PGR: variants seen among roughly 807,000 people sequenced by gnomAD.
PGR encodes the protein progesterone receptor.
A neutral mutation model predicts 76.1 loss-of-function variants in PGR; 25 were observed. The observed-to-expected ratio is 0.33, with a 90% CI of 0.24 to 0.46. The LOEUF (loss-of-function observed/expected upper bound fraction) is 0.46, where lower values mean the gene tolerates loss of function less well. Among genes scored for constraint, PGR ranks in the 20% least tolerant of loss-of-function variants. The probability of loss-of-function intolerance (pLI) is 1.00; values close to 1 mark genes in which losing one functional copy is unlikely to be tolerated. For missense variants in PGR, 1,172 were observed against 1,225.3 expected (o/e 0.96, Z 0.65); for synonymous variants, 579 against 535.0 (o/e 1.08, Z -1.14).
intron 3 of PGR, among the ~76,000 whole-genome samples, chr11:101,082,125 ACTCTCTCT>A (rs3067562): frequency 2.1e-5 from 3 of 145,570 alleles, no homozygotes; most frequent in Non-Finnish European, 1.5e-5. Context: ...TTCCCCTCTC[ACTCTCTCT>A]CTCTCTCTCT....
At chr11:101,047,109 C>T (rs1859915600) in intron 6 of PGR, among the ~76,000 whole-genome samples, 1 of 152,104 alleles carries the variant, frequency 6.6e-6, no homozygotes, top group Admixed American at 6.6e-5. Flanking sequence ...AAATCTTACT[C>T]TCTATGGTAT....
chr11:101,107,934 A>G (rs1862224796), intron 2 of PGR, among the ~76,000 whole-genome samples: 1 of 149,310 alleles, frequency 6.7e-6, no homozygotes. Flanking sequence ...CCTAAATGTT[A>G]TTTAAGTCTA....
intron 2 of PGR, among the ~76,000 whole-genome samples, chr11:101,121,011 A>G (rs565361056): frequency 6.6e-6 from 1 of 152,248 alleles, no homozygotes; most frequent in East Asian, 1.9e-4. Context: ...CTTTTTAACC[A>G]TTTCTTTTTC....
At chr11:101,072,109 T>C (rs903457716) in intron 3 of PGR, among the ~76,000 whole-genome samples, 4 of 152,160 alleles carry the variant, frequency 2.6e-5, no homozygotes, top group African/African-American at 7.2e-5. Flanking sequence ...GGGAAGCCCA[T>C]CAGACTAACA....
intron 2 of PGR, among the ~76,000 whole-genome samples, chr11:101,100,563 TTTG>T (rs1331980213): frequency 1.3e-5 from 2 of 151,928 alleles, no homozygotes; most frequent in African/African-American, 4.8e-5. Flanking sequence ...CAAAGCAGGT[TTTG>T]TTGTTAGAGG....
At chr11:101,064,284 T>C (rs1262502675) in intron 3 of PGR, among the ~76,000 whole-genome samples, 1 of 118,514 alleles carries the variant, frequency 8.4e-6, no homozygotes, top group Non-Finnish European at 1.6e-5. Context: ...TGAGTCAAGA[T>C]CATGCCATTG....
intron 4 of PGR, among the ~76,000 whole-genome samples, chr11:101,052,475 C>A (rs11571231): frequency 0.028 from 4,301 of 152,112 alleles, 194 homozygotes; most frequent in African/African-American, 0.099. Context: ...GGGAAGATCA[C>A]CAGTTCAACA....
At chr11:101,057,540 A>G (rs1363066226) in intron 4 of PGR, among the ~76,000 whole-genome samples, 1 of 152,194 alleles carries the variant, frequency 6.6e-6, no homozygotes, top group African/African-American at 2.4e-5. Context: ...TGGGGGTAGA[A>G]TAGAGGATCA....
rs185752530 is a variant in PGR at position 101,045,101 on chromosome 11, T to C, written c.2489-2999A>G. ...TTATCCCCTGCACCCCAATCAAAACTTGGTTTCCATTTCCCCTAGAAAAGA... is the reference window on the plus strand; with the variant it reads ...TTATCCCCTGCACCCCAATCAAAACCTGGTTTCCATTTCCCCTAGAAAAGA... On this transcript the variant is annotated intron_variant, in intron 6 of 7. Transcript: ENST00000325455. 2.1e-4 allele frequency among the ~76,000 whole-genome samples: 32 copies of C among 152,200 alleles called. 1 individual carries two copies. In the East Asian group the frequency reaches 6.2e-3, roughly 29 times the overall value.
chr11:101,102,741 C>G (rs540805948), intron 2 of PGR, among the ~76,000 whole-genome samples: 1 of 151,726 alleles, frequency 6.6e-6, no homozygotes, highest in African/African-American at 2.4e-5. Flanking sequence ...TTTCATGTAA[C>G]CTTGTAACAA....
intron 7 of PGR, among the ~76,000 whole-genome samples, chr11:101,040,507 T>C (rs990664553): frequency 1.3e-5 from 2 of 152,080 alleles, no homozygotes; most frequent in African/African-American, 4.8e-5. Context: ...TTGTACTTGT[T>C]TGATGGTTTG....
chr11:101,129,007 C>CG lies in PGR; in HGVS notation c.63dup (p.Glu22ArgfsTer26), dbSNP rs985875054. ...CGACACAGCAGTGGGGATCCGACCT[C>CG]GGGGGAGGGCGGGCCGCCCGCCACG... On this transcript the variant is annotated frameshift_variant, in exon 1 of 8. Coordinates refer to ENST00000325455, the MANE Select transcript of PGR (RefSeq NM_000926.4). LOFTEE classifies it high-confidence loss of function. 3 of 1,570,522 alleles carry CG rather than the reference C, an allele frequency of 1.9e-6. No individual in the cohort carries two copies. The highest frequency in any genetic ancestry group is 2.6e-6 in the Non-Finnish European group (3 of 1,158,964).
At chr11:101,071,145 C>T (rs1181843779) in intron 3 of PGR, among the ~76,000 whole-genome samples, 1 of 152,192 alleles carries the variant, frequency 6.6e-6, no homozygotes, top group Non-Finnish European at 1.5e-5. Flanking sequence ...GCAATCTTTG[C>T]TGTACTGCAG....
chr11:101,034,005 T>C lies in PGR; in HGVS notation c.*5111A>G, dbSNP rs1369143380. 1 of 230,272 alleles carries C rather than the reference T, an allele frequency of 4.3e-6. No homozygotes were observed. Among genetic ancestry groups the C allele is most frequent in the African/African-American group, 2.2e-5 (1 of 45,204 alleles). The allele number at this position is 230,272 out of a possible 1,614,324, so 14.3% of individuals were successfully genotyped here. Reference sequence around the variant, plus strand: ...ATTTTATTCATATCTATCCGAATATTGACCAGGACACTAATGCCACACTGC... The same window carrying C: ...ATTTTATTCATATCTATCCGAATATCGACCAGGACACTAATGCCACACTGC... On this transcript the variant is annotated 3_prime_UTR_variant, in exon 8 of 8. Transcript: ENST00000325455.
At chr11:101,045,996 T>C (rs950871100) in intron 6 of PGR, among the ~76,000 whole-genome samples, 1 of 152,092 alleles carries the variant, frequency 6.6e-6, no homozygotes, top group African/African-American at 2.4e-5. Flanking sequence ...ACAGCTCTCT[T>C]TAAGGTTACC....
At chr11:101,077,362 A>G (rs969032203) in intron 3 of PGR, among the ~76,000 whole-genome samples, 2 of 152,160 alleles carry the variant, frequency 1.3e-5, no homozygotes, top group Non-Finnish European at 2.9e-5. Context: ...TTCACCTCCA[A>G]TTTCCAGATC....
intron 7 of PGR, among the ~76,000 whole-genome samples, chr11:101,039,793 T>G (rs1859638351): frequency 6.6e-6 from 1 of 152,018 alleles, no homozygotes. Flanking sequence ...AGCAGCAGCA[T>G]CAATAGAGCC....
In PGR at chr11:101,034,122, G is replaced by A. The variant is rs1235065623; in HGVS notation, c.*4994C>T. On this transcript the variant is annotated 3_prime_UTR_variant, in exon 8 of 8. Transcript: ENST00000325455. ...CACATTTCTCTAAAAATGCTTTATC[G>A]GTTAAAGCTTTCAACCAGCTTAAAA... 2 of 229,938 alleles carry A rather than the reference G, an allele frequency of 8.7e-6. No individual in the cohort carries two copies. Among genetic ancestry groups the A allele is most frequent in the African/African-American group, 2.2e-5 (1 of 45,136 alleles). 14.2% of individuals were successfully genotyped at this position (229,938 alleles called of 1,614,324 possible). A position where few individuals can be genotyped will look rare whatever the true frequency, so the allele number is the denominator to read the frequency against.
Position 101,091,762 on chromosome 11 carries a change from C to T in PGR, c.1904G>A (p.Gly635Glu), listed in dbSNP as rs1274221616. The change falls in exon 3 of 8, where the codon GGA becomes GAA. Residue 635 changes from glycine (G) to glutamate (E), a missense_variant and splice_region_variant. Gly to Glu is a moderately conservative substitution (Grantham distance 98). Around this residue, in one of 4 missense-constraint regions of PGR, gnomAD observed 73 missense variants for 60.7 expected, o/e 1.20. Transcript: ENST00000325455. ...ATTGATGAAAACATCAGAATTACCT[C>T]CAAGGACCATGCCAGCCTGACAGCA... ...RKCCQAGMVL[G>E]GRKFKKFNKV... 1 of 1,504,022 alleles carries T rather than the reference C, an allele frequency of 6.6e-7. No individual in the cohort carries two copies. The highest frequency in any genetic ancestry group is 9.3e-7 in the Non-Finnish European group (1 of 1,079,686). 93.2% of individuals were successfully genotyped at this position (1,504,022 alleles called of 1,614,324 possible). A position where few individuals can be genotyped will look rare whatever the true frequency, so the allele number is the denominator to read the frequency against.
Sources: gnomAD v4.1 joint callset for allele counts (sites outside exome capture counted in the v4.1 genomes callset) on GRCh38, gnomAD v4.1.1 for gene constraint, gnomAD v4.1.1 regional missense constraint, MANE v1.5 for transcripts, NCBI Gene and HGNC (gene_info 2026-07-23, HGNC 2026-07-21) for gene names.